The following NOP14 variants were observed in gnomAD, a reference collection of about 807,000 sequenced individuals.
NOP14 encodes the protein nucleolar protein 14.
Under a neutral mutation model 101.6 loss-of-function variants are expected in NOP14, and 57 were observed. The ratio of observed to expected loss-of-function variants is 0.56; its 90% confidence interval spans 0.45 to 0.70. The LOEUF (loss-of-function observed/expected upper bound fraction) is 0.70. NOP14 is among the 30% of genes least tolerant of loss of function. NOP14 has a pLI of 0.00. For missense variants in NOP14, 1,134 were observed against 1,075.5 expected (o/e 1.05, Z -0.76); for synonymous variants, 428 against 424.0 (o/e 1.01, Z -0.12).
chr4:2,959,465 C>T (rs544370471), intron 1 of NOP14, among the ~76,000 whole-genome samples: 78 of 152,108 alleles, frequency 5.1e-4, no homozygotes, highest in African/African-American at 1.3e-3. Flanking sequence ...TGGTGGCGGG[C>T]GCCTGTAGTC....
chr4:2,939,280 G>C lies in NOP14; in HGVS notation c.2382C>G (p.His794Gln). The C allele has an allele frequency of 6.2e-7, 1 of 1,614,008 alleles. No homozygotes were observed. Among genetic ancestry groups the C allele is most frequent in the East Asian group, 2.2e-5 (1 of 44,888 alleles). Residue 794 changes from histidine to glutamine, a missense_variant, in exon 17 of 18, where the codon CAC becomes CAG. His to Gln is a conservative substitution (Grantham distance 24, BLOSUM62 0). Coordinates refer to ENST00000416614, the MANE Select transcript of NOP14 (RefSeq NM_001291978.2). ...KEEQERKRLI[H>Q]KHKREFKGAV... is the part of the protein sequence containing the mutation. ...CCCCTTTAAATTCACGCTTGTGTTT[G>C]TGGATCAGCCTCTTCCTTTCCTGTT... is the stretch of plus-strand genomic sequence containing the variant.
rs1716273278 is a variant in NOP14, at chr4:2,963,203, C to G, written c.117G>C (p.Gln39His). 2 of 1,585,262 alleles carry G rather than the reference C, an allele frequency of 1.3e-6. No homozygotes were observed. Among genetic ancestry groups the G allele is most frequent in the Admixed American group, 3.6e-5 (2 of 55,922 alleles). ...SNPFEVKVNRQKFQILGRKTR... is the reference protein window; with the variant it reads ...SNPFEVKVNRHKFQILGRKTR... ...TCTTCCGGCCCAGGATCTGGAACTT[C>G]TGCCTGTTAACTTTCACCTCGAACG... The change falls in exon 1 of 18, where the codon CAG becomes CAC. Residue 39 changes from glutamine (Q) to histidine (H), a missense_variant. Coordinates refer to ENST00000416614, the MANE Select transcript of NOP14 (RefSeq NM_001291978.2).
chr4:2,942,058 C>T (rs1386731156), intron 14 of NOP14, 134 bp downstream of exon 14: 2 of 834,172 alleles, frequency 2.4e-6, no homozygotes, highest in Non-Finnish European at 3.8e-6. Flanking sequence ...CTCAGAAAGG[C>T]TTTCGGCCTC....
intron 11 of NOP14, 46 bp from the exon 12 acceptor site, chr4:2,945,275 C>T (rs778335761): frequency 1.0e-5 from 14 of 1,377,086 alleles, no homozygotes; most frequent in Admixed American, 9.9e-5. Context: ...AAATGAAGTC[C>T]ATCCATATGC....
rs1256997729 is a variant in NOP14 at position 2,939,630 on chromosome 4, T to C, written c.2215A>G (p.Thr739Ala). 6.2e-7 allele frequency: 1 copy of C among 1,613,484 alleles called. No individual in the cohort carries two copies. The highest frequency in any genetic ancestry group is 1.3e-5 in the African/African-American group (1 of 74,934). The change falls in exon 16 of 18, where the codon ACA becomes GCA. Residue 739 changes from threonine to alanine, a missense_variant. Transcript: ENST00000416614. ...TTCTGGCTTTCCATTTCGGTCAGTGTGCTCTGACACAGCTCCTGAAAAACA... is the reference window on the plus strand; with the variant it reads ...TTCTGGCTTTCCATTTCGGTCAGTGCGCTCTGACACAGCTCCTGAAAAACA... ...PQELQELCQS[T>A]LTEMESQKQL...
At chr4:2,962,993 G>C in intron 1 of NOP14, 132 bp downstream of exon 1, 1 of 895,742 alleles carries the variant, frequency 1.1e-6, no homozygotes, top group South Asian at 1.9e-5. Context: ...GGACTATCAA[G>C]TCAGTGCCGT....
rs575101652 is a variant in NOP14 at position 2,963,055 on chromosome 4, G to A, written c.195+70C>T. On this transcript the variant is annotated intron_variant, in intron 1 of 17. Coordinates refer to ENST00000416614, the MANE Select transcript of NOP14 (RefSeq NM_001291978.2). ...ACGAGGAAACCGACGCACCGAGAAG[G>A]ACGCAGCCGGCCGAGAGCAGCGTGG... 16 of 1,426,388 alleles carry A rather than the reference G, an allele frequency of 1.1e-5. No homozygotes were observed. In the South Asian group the frequency reaches 2.2e-4, roughly 19 times the overall value. The allele number at this position is 1,426,388 out of a possible 1,614,324, so 88.4% of individuals were successfully genotyped here.
intron 15 of NOP14, chr4:2,941,227 C>A (rs1304825182): frequency 8.4e-6 from 2 of 238,862 alleles, no homozygotes; most frequent in African/African-American, 2.3e-5. Context: ...GATAGTGAGA[C>A]CATCCTTGGA....
intron 1 of NOP14, among the ~76,000 whole-genome samples, chr4:2,960,300 C>T (rs1715642456): frequency 6.6e-6 from 1 of 151,820 alleles, no homozygotes; most frequent in African/African-American, 2.4e-5. Context: ...GAGGTCTGTC[C>T]CTGCAGAGGG....
At chr4:2,947,483 C>T in intron 10 of NOP14, 43 bp downstream of exon 10, 4 of 1,337,108 alleles carry the variant, frequency 3.0e-6, no homozygotes, top group Non-Finnish European at 4.3e-6. Context: ...AAAAATTGTT[C>T]TGCTTAACCC....
chr4:2,957,517 A>G (rs1715430003), intron 2 of NOP14, 89 bp downstream of exon 2: 1 of 1,506,612 alleles, frequency 6.6e-7, no homozygotes, highest in South Asian at 1.2e-5. Context: ...GCCCAGGAAC[A>G]TGCAAAACAT....
chr4:2,956,874 G>A, intron 2 of NOP14, 63 bp from the exon 3 acceptor site: 3 of 1,192,510 alleles, frequency 2.5e-6, no homozygotes, highest in Non-Finnish European at 3.5e-6. Flanking sequence ...AAAAAAAAAA[G>A]ATAAGGTAGA....
intron 1 of NOP14, among the ~76,000 whole-genome samples, chr4:2,958,890 G>C (rs1400931789): frequency 6.6e-6 from 1 of 151,690 alleles, no homozygotes; most frequent in Admixed American, 6.6e-5. Flanking sequence ...AGGAGGAAAA[G>C]AGAGTGGAAG....
rs553082821 is a variant in NOP14 at position 2,941,444 on chromosome 4, C to G, written c.2199+138G>C. 173 of 748,678 alleles carry G rather than the reference C, an allele frequency of 2.3e-4. 2 individuals carry two copies. In the South Asian group the frequency reaches 2.9e-3, roughly 13 times the overall value. 46.4% of individuals were successfully genotyped at this position (748,678 alleles called of 1,614,324 possible). A position where few individuals can be genotyped will look rare whatever the true frequency, so the allele number is the denominator to read the frequency against. On this transcript the variant is annotated intron_variant, in intron 15 of 17. Transcript: ENST00000416614. ...ACTGCCCACTCTTATGATTTTACTT[C>G]CCTTCATATTTGTGATTTTGCAAAG...
chr4:2,939,429 G>A lies in NOP14; in HGVS notation c.2319-86C>T, dbSNP rs561266849. 3.7e-4 allele frequency: 584 copies of A among 1,593,124 alleles called. 1 individual carries two copies. The highest frequency in any genetic ancestry group is 3.3e-3 in the African/African-American group (249 of 74,618). ...CTGCTTGGGAGTGTGGCTTCACTCC[G>A]TAGTCATCTGCTCAACTGCAGAACT... On this transcript the variant is annotated intron_variant, in intron 16 of 17. Coordinates refer to ENST00000416614, the MANE Select transcript of NOP14 (RefSeq NM_001291978.2).
chr4:2,939,894 C>T (rs1336506853), intron 15 of NOP14, among the ~76,000 whole-genome samples: 2 of 152,326 alleles, frequency 1.3e-5, no homozygotes, highest in African/African-American at 4.8e-5. Flanking sequence ...CGTGGGCTGG[C>T]CCCTGAGAGC....
intron 13 of NOP14, among the ~76,000 whole-genome samples, chr4:2,943,575 C>T (rs554065902): frequency 5.9e-5 from 9 of 152,342 alleles, no homozygotes; most frequent in Middle Eastern, 3.4e-3. Context: ...CTGCTCTTGC[C>T]GCCCTCGCTC....
At chr4:2,958,060 G>A (rs1014062335) in intron 1 of NOP14, among the ~76,000 whole-genome samples, 2 of 152,134 alleles carry the variant, frequency 1.3e-5, no homozygotes, top group East Asian at 1.9e-4. Flanking sequence ...CTGCCTTAAG[G>A]TTTAAAACGT....
At chr4:2,961,203 A>ATAATATAT (rs1239487721) in intron 1 of NOP14, among the ~76,000 whole-genome samples, 1 of 524 alleles carries the variant, frequency 1.9e-3, no homozygotes, top group African/African-American at 3.6e-3. Flanking sequence ...TAATATTATA[A>ATAATATAT]TAATATATTA....
Sources: allele counts gnomAD v4.1 joint callset (sites outside exome capture counted in the v4.1 genomes callset), GRCh38; gene constraint gnomAD v4.1.1; transcripts MANE v1.5; gene names NCBI Gene and HGNC (gene_info 2026-07-23, HGNC 2026-07-21).